The following SMAD2 variants were observed in gnomAD, a reference collection of about 807,000 sequenced individuals.
The protein encoded by SMAD2 is SMAD family member 2, also known as MAD homolog 2.
A neutral mutation model predicts 64.4 loss-of-function variants in SMAD2; 8 were observed. That is an observed-to-expected ratio of 0.12 (90% CI 0.07 to 0.22). The LOEUF (loss-of-function observed/expected upper bound fraction) is 0.22, where lower values mean the gene tolerates loss of function less well. SMAD2 is among the 10% of genes least tolerant of loss of function. SMAD2 has a pLI of 1.00. For synonymous variants in SMAD2, 203 were observed against 195.8 expected (o/e 1.04, Z -0.31); for missense variants, 289 against 561.2 (o/e 0.51, Z 4.90).
At chr18:47,927,298 G>C (rs2034804408) in intron 1 of SMAD2, among the ~76,000 whole-genome samples, 1 of 130,258 alleles carries the variant, frequency 7.7e-6, no homozygotes, top group African/African-American at 3.2e-5. Flanking sequence ...AAAATACACA[G>C]ATTGTTCCCA....
chr18:47,851,240 TAA>T, intron 7 of SMAD2, 32 bp downstream of exon 7: 1 of 1,459,298 alleles, frequency 6.9e-7, no homozygotes, highest in Non-Finnish European at 9.6e-7. Flanking sequence ...TGATACAGTA[TAA>T]AAATGATGAG....
At chr18:47,852,711 A>C (rs1568045874) in intron 6 of SMAD2, among the ~76,000 whole-genome samples, 1 of 152,152 alleles carries the variant, frequency 6.6e-6, no homozygotes, top group East Asian at 1.9e-4. Flanking sequence ...TTCTGGAGTC[A>C]GTTCTGGTAA....
chr18:47,848,611 T>A lies in SMAD2; in HGVS notation c.861A>T (p.Gly287=). The part of the protein sequence containing the change: ...IAYYELNQRV[G]ETFHASQPSL... ...AGGGCTGTGATGCATGGAAGGTTTC[T>A]CCAACCCTCTGATTTAATTCATAAT... The change falls in exon 8 of 11, where the codon GGA becomes GGT. Residue 287 remains glycine (G), a synonymous_variant. Transcript: ENST00000262160. 1 of 1,613,968 alleles carries A rather than the reference T, an allele frequency of 6.2e-7. No individual in the cohort carries two copies. The highest frequency in any genetic ancestry group is 2.2e-5 in the East Asian group (1 of 44,866).
intron 6 of SMAD2, among the ~76,000 whole-genome samples, chr18:47,851,619 C>T (rs779621845): frequency 4.6e-5 from 7 of 152,220 alleles, no homozygotes; most frequent in Non-Finnish European, 8.8e-5. Flanking sequence ...CCAAAATACT[C>T]TATGAACCAC....
Position 47,851,340 on chromosome 18 carries a change from G to A in SMAD2, c.731-13C>T. 6.3e-7 allele frequency: 1 copy of A among 1,583,582 alleles called. No homozygotes were observed. Among genetic ancestry groups the A allele is most frequent in the South Asian group, 1.1e-5 (1 of 90,412 alleles). On this transcript the variant is annotated splice_polypyrimidine_tract_variant and intron_variant, in intron 6 of 10. Transcript: ENST00000262160. ...TCTGCTGGAGAGCCTAAAACAAAAG[G>A]ATTTAAAAATAAATGAAGTATTTCC...
intron 1 of SMAD2, among the ~76,000 whole-genome samples, chr18:47,924,709 C>T (rs946100597): frequency 1.3e-5 from 2 of 152,100 alleles, no homozygotes; most frequent in Admixed American, 6.5e-5. Flanking sequence ...GTGATCCGCC[C>T]GCCTCAGCCT....
chr18:47,861,307 A>G (rs2031170443), intron 6 of SMAD2, among the ~76,000 whole-genome samples: 1 of 152,152 alleles, frequency 6.6e-6, no homozygotes, highest in Non-Finnish European at 1.5e-5. Context: ...CTGGGCAACA[A>G]GAGTGAAACT....
At chr18:47,894,868 A>G (rs1236901907) in intron 2 of SMAD2, among the ~76,000 whole-genome samples, 1 of 152,246 alleles carries the variant, frequency 6.6e-6, no homozygotes, top group Non-Finnish European at 1.5e-5. Flanking sequence ...TACACAATGA[A>G]GAATGAAATA....
At chr18:47,923,843 TGGCCAATGCACAACCTCA>T (rs2034657036) in intron 1 of SMAD2, among the ~76,000 whole-genome samples, 1 of 152,186 alleles carries the variant, frequency 6.6e-6, no homozygotes, top group South Asian at 2.1e-4. Context: ...CGAGCAGAAA[TGGCCAATGCACAACCTCA>T]GGCCAAAGCT....
chr18:47,864,256 T>TA (rs377436812), intron 6 of SMAD2, among the ~76,000 whole-genome samples: 10 of 152,288 alleles, frequency 6.6e-5, no homozygotes, highest in African/African-American at 2.4e-4. Flanking sequence ...GAAACTTCTT[T>TA]ACCTGGGAGT....
At position 47,853,327 on chromosome 18, in the gene SMAD2, G is replaced by T. The variant is rs1358743915; in HGVS notation, c.731-2000C>A. ...AATTGCATCTGTTTTTAAGCCTAAT[G>T]TGGGGACAGCTCATGAGTGTAAGAC... On this transcript the variant is annotated intron_variant, in intron 6 of 10. Coordinates refer to ENST00000262160, the MANE Select transcript of SMAD2 (RefSeq NM_005901.6). The T allele has an allele frequency of 1.5e-5, 3 of 202,276 alleles. 1 individual carries two copies. The highest frequency in any genetic ancestry group is 4.5e-5 in the African/African-American group (1 of 22,302). 12.5% of individuals were successfully genotyped at this position (202,276 alleles called of 1,614,324 possible).
chr18:47,896,275 T>C (rs754133208), intron 2 of SMAD2, among the ~76,000 whole-genome samples: 15 of 152,228 alleles, frequency 9.9e-5, no homozygotes, highest in Non-Finnish European at 1.2e-4. Context: ...GAAATGAGGA[T>C]AACATACAAA....
At chr18:47,871,093 T>G (rs754014251) in intron 2 of SMAD2, among the ~76,000 whole-genome samples, 1 of 152,196 alleles carries the variant, frequency 6.6e-6, no homozygotes, top group Non-Finnish European at 1.5e-5. Flanking sequence ...AGAAATAGAC[T>G]TTGAAGTCAT....
At chr18:47,848,362 C>A in intron 8 of SMAD2, 113 bp downstream of exon 8, 1 of 801,680 alleles carries the variant, frequency 1.2e-6, no homozygotes, top group Non-Finnish European at 2.2e-6. Flanking sequence ...ACTTAAACCA[C>A]CAGAGAGAAA....
chr18:47,902,261 C>T (rs2033713872), intron 1 of SMAD2, among the ~76,000 whole-genome samples: 1 of 152,096 alleles, frequency 6.6e-6, no homozygotes, highest in Non-Finnish European at 1.5e-5. Flanking sequence ...CAAAATTTTG[C>T]TTTCTTTAAT....
chr18:47,826,671 C>G lies in SMAD2; in HGVS notation c.*15156G>C, dbSNP rs1192092322. The G allele has an allele frequency of 6.6e-6, 1 of 152,222 alleles. No homozygotes were observed. Among genetic ancestry groups the G allele is most frequent in the Non-Finnish European group, 1.5e-5 (1 of 68,052 alleles). 9.4% of individuals were successfully genotyped at this position (152,222 alleles called of 1,614,324 possible). On this transcript the variant is annotated 3_prime_UTR_variant, in exon 11 of 11. Transcript: ENST00000262160. ...TTCATAAACTGTTTATTGCTGCACA[C>G]CACTGGGTTTTTGTGGTTGCTACGA... is the stretch of plus-strand genomic sequence containing the variant.
intron 1 of SMAD2, among the ~76,000 whole-genome samples, chr18:47,910,168 A>G (rs1228323444): frequency 9.3e-6 from 1 of 107,184 alleles, no homozygotes; most frequent in Non-Finnish European, 1.9e-5. Flanking sequence ...GATTGTGGAT[A>G]TGGAAAAAAA....
chr18:47,839,631 G>A lies in SMAD2; in HGVS notation c.*2196C>T, dbSNP rs1913753539. Reference sequence around the variant, plus strand: ...GGAGATATGTTAGTGAGAATCACATGAAGCAGACTATCACAAAATAAGGCC... The same window carrying A: ...GGAGATATGTTAGTGAGAATCACATAAAGCAGACTATCACAAAATAAGGCC... On this transcript the variant is annotated 3_prime_UTR_variant, in exon 11 of 11. Transcript: ENST00000262160. 1 of 233,258 alleles carries A rather than the reference G, an allele frequency of 4.3e-6. No individual in the cohort carries two copies. Among genetic ancestry groups the A allele is most frequent in the Non-Finnish European group, 8.5e-6 (1 of 118,012 alleles). The allele number at this position is 233,258 out of a possible 1,614,324, so 14.4% of individuals were successfully genotyped here.
intron 10 of SMAD2, among the ~76,000 whole-genome samples, chr18:47,844,024 T>C (rs1250616198): frequency 6.6e-6 from 1 of 152,198 alleles, no homozygotes; most frequent in Non-Finnish European, 1.5e-5. Context: ...AATTTTGCTA[T>C]CAACTCAGGT....
Sources: gnomAD v4.1 joint callset for allele counts (sites outside exome capture counted in the v4.1 genomes callset) on GRCh38, gnomAD v4.1.1 for gene constraint, MANE v1.5 for transcripts, NCBI Gene and HGNC (gene_info 2026-07-23, HGNC 2026-07-21) for gene names.